SLC36A4: variants seen among roughly 807,000 people sequenced by gnomAD.
The protein encoded by SLC36A4 is solute carrier family 36 member 4.
A neutral mutation model predicts 50.5 loss-of-function variants in SLC36A4; 49 were observed. The ratio of observed to expected loss-of-function variants is 0.97; its 90% CI spans 0.77 to 1.23. The LOEUF (loss-of-function observed/expected upper bound fraction) is 1.23. Among genes scored for constraint, SLC36A4 ranks in the 50% most tolerant of loss-of-function variants. The pLI is 0.00. For synonymous variants in SLC36A4, 207 were observed against 206.5 expected (o/e 1.00, Z -0.02); for missense variants, 611 against 608.4 (o/e 1.00, Z -0.05).
rs954257076 is a variant in SLC36A4, at chr11:93,197,961, G to T, written c.-129C>A. ...GCCTGGTGCCCGCCTCCCTGCCCCG[G>T]CGCTCCCCAACCGCGCGGCGAGGAG... is the stretch of plus-strand genomic sequence containing the variant. On this transcript the variant is annotated 5_prime_UTR_variant, in exon 1 of 11. Coordinates refer to ENST00000326402, the MANE Select transcript of SLC36A4 (RefSeq NM_152313.4). The T allele has an allele frequency of 1.0e-6, 1 of 994,924 alleles. No individual in the cohort carries two copies. The highest frequency in any genetic ancestry group is 1.7e-5 in the African/African-American group (1 of 57,858). The allele number at this position is 994,924 out of a possible 1,614,324, so 61.6% of individuals were successfully genotyped here. A position where few individuals can be genotyped will look rare whatever the true frequency, so the allele number is the denominator to read the frequency against.
At chr11:93,196,570 G>C (rs1862437176) in intron 1 of SLC36A4, among the ~76,000 whole-genome samples, 1 of 152,156 alleles carries the variant, frequency 6.6e-6, no homozygotes. Flanking sequence ...GTTTCACCGT[G>C]TTAGCCAGGA....
intron 10 of SLC36A4, among the ~76,000 whole-genome samples, chr11:93,149,621 T>C (rs115495021): frequency 1.9e-3 from 294 of 151,990 alleles, no homozygotes; most frequent in African/African-American, 6.7e-3. Flanking sequence ...AAAATTCAAA[T>C]TGAAAGAAAT....
intron 1 of SLC36A4, among the ~76,000 whole-genome samples, chr11:93,186,466 G>A (rs1861985968): frequency 6.6e-6 from 1 of 152,010 alleles, no homozygotes; most frequent in Admixed American, 6.6e-5. Context: ...AGTTGTTCTA[G>A]TGGTTTCTTT....
At chr11:93,172,418 C>T (rs532980451) in intron 6 of SLC36A4, among the ~76,000 whole-genome samples, 4 of 151,590 alleles carry the variant, frequency 2.6e-5, no homozygotes, top group African/African-American at 9.7e-5. Context: ...CTCTTCCCCC[C>T]AAGTCCCCAA....
chr11:93,190,023 G>A (rs1214982542), intron 1 of SLC36A4, among the ~76,000 whole-genome samples: 1 of 152,132 alleles, frequency 6.6e-6, no homozygotes, highest in East Asian at 1.9e-4. Context: ...CCGTCACTCT[G>A]AACAAACTCA....
At position 93,147,678 on chromosome 11, in the gene SLC36A4, C is replaced by A. The variant is rs1487133185; in HGVS notation, c.*859G>T. 6.6e-6 allele frequency: 1 copy of A among 152,068 alleles called. No homozygotes were observed. The highest frequency in any genetic ancestry group is 1.5e-5 in the Non-Finnish European group (1 of 68,002). 9.4% of individuals were successfully genotyped at this position (152,068 alleles called of 1,614,324 possible). A position where few individuals can be genotyped will look rare whatever the true frequency, so the allele number is the denominator to read the frequency against. On this transcript the variant is annotated 3_prime_UTR_variant, in exon 11 of 11. Transcript: ENST00000326402. Reference sequence around the variant, plus strand: ...AAAATATAATCAAATAGATTCAACACTAAAATTAAGCTGAACATAATTTAT... The same window carrying A: ...AAAATATAATCAAATAGATTCAACAATAAAATTAAGCTGAACATAATTTAT...
intron 8 of SLC36A4, among the ~76,000 whole-genome samples, chr11:93,163,400 A>G (rs1379887219): frequency 4.6e-5 from 7 of 152,052 alleles, no homozygotes; most frequent in Non-Finnish European, 7.4e-5. Flanking sequence ...TCGTTTCTCA[A>G]TCCTTGCTTG....
At chr11:93,184,593 C>T in intron 2 of SLC36A4, 73 bp from the exon 3 acceptor site, 1 of 887,832 alleles carries the variant, frequency 1.1e-6, no homozygotes, top group South Asian at 1.5e-5. Flanking sequence ...GGTTTTAGTA[C>T]TAGAAGGGAA....
At chr11:93,160,218 A>G in intron 9 of SLC36A4, 1 of 985,440 alleles carries the variant, frequency 1.0e-6, no homozygotes, top group South Asian at 4.7e-5. Flanking sequence ...GAGTCCACAC[A>G]GAAACAGACT....
chr11:93,181,706 T>TG lies in SLC36A4; in HGVS notation c.439dup (p.Gln147ProfsTer10), dbSNP rs766550676. The TG allele has an allele frequency of 5.3e-5, 82 of 1,536,582 alleles. No homozygotes were observed. Among genetic ancestry groups the TG allele is most frequent in the Middle Eastern group, 5.0e-4 (3 of 5,954 alleles). Reference sequence around the variant, plus strand: ...AAGTACTTACCGCCCCCATGCTGCTTGCTTCTGAAGACAACTCCAAGGACT... The same window carrying TG: ...AAGTACTTACCGCCCCCATGCTGCTTGGCTTCTGAAGACAACTCCAAGGACT... On this transcript the variant is annotated frameshift_variant, in exon 5 of 11. Transcript: ENST00000326402. LOFTEE classifies it high-confidence loss of function.
At chr11:93,189,496 T>C (rs1862125137) in intron 1 of SLC36A4, among the ~76,000 whole-genome samples, 1 of 152,246 alleles carries the variant, frequency 6.6e-6, no homozygotes. Context: ...TTATTAGTTG[T>C]ATGAACTTCA....
rs539538152 is a variant in SLC36A4 at position 93,171,022 on chromosome 11, A to G, written c.541-2851T>C. 3 of 152,202 alleles carry G rather than the reference A, an allele frequency of 2.0e-5. No homozygotes were observed. In the South Asian group the frequency reaches 6.2e-4, roughly 32 times the overall value. The allele number at this position is 152,202 out of a possible 1,614,324, so 9.4% of individuals were successfully genotyped here. A position where few individuals can be genotyped will look rare whatever the true frequency, so the allele number is the denominator to read the frequency against. ...AATCAACTAGTGTGTCTACTATTGT[A>G]TAATGCTATCAAATGTAAAAGAACA... is the stretch of plus-strand genomic sequence containing the variant. On this transcript the variant is annotated intron_variant, in intron 6 of 10. Coordinates refer to ENST00000326402, the MANE Select transcript of SLC36A4 (RefSeq NM_152313.4).
At position 93,184,505 on chromosome 11, in the gene SLC36A4, AAG is replaced by A. The variant is rs1469721238; in HGVS notation, c.193_194del (p.Leu65TyrfsTer5). Reference sequence around the variant, plus strand: ...CAATATTTCCTTTAAGAAGGTGCATAAGAGTTTGTACAAATCTGAAAAGTAAA... The same window carrying A: ...CAATATTTCCTTTAAGAAGGTGCATAAGTTTGTACAAATCTGAAAAGTAAA... Reference protein sequence around the residue: ...DQEGISFVQTLMHLLKGNIGT... With the variant: ...DQEGISFVQTXMHLLKGNIGT... On this transcript the variant is annotated frameshift_variant, in exon 3 of 11. Transcript: ENST00000326402. LOFTEE classifies it high-confidence loss of function. 6.2e-7 allele frequency: 1 copy of A among 1,603,774 alleles called. No homozygotes were observed. Among genetic ancestry groups the A allele is most frequent in the Non-Finnish European group, 8.5e-7 (1 of 1,171,766 alleles).
chr11:93,192,226 G>A (rs1011856091), intron 1 of SLC36A4, among the ~76,000 whole-genome samples: 1 of 152,194 alleles, frequency 6.6e-6, no homozygotes, highest in African/African-American at 2.4e-5. Flanking sequence ...GCATTTCAAA[G>A]AAGTCCTGAC....
At chr11:93,178,497 G>C (rs1369463910) in intron 6 of SLC36A4, among the ~76,000 whole-genome samples, 3 of 152,192 alleles carry the variant, frequency 2.0e-5, no homozygotes, top group Admixed American at 6.5e-5. Flanking sequence ...CTGTAGACTG[G>C]CGCTGTTCCT....
Position 93,168,032 on chromosome 11 carries a change from C to A in SLC36A4, c.680G>T (p.Arg227Leu). ...LPFIILLVFI[R>L]ELKNLFVLSF... ...AAGTACAAATAGATTCTTTAGTTCACGAATGAAGACCAAAAGAATTATAAA... is the reference window on the plus strand; with the variant it reads ...AAGTACAAATAGATTCTTTAGTTCAAGAATGAAGACCAAAAGAATTATAAA... The change falls in exon 7 of 11, where the codon CGT becomes CTT. Residue 227 changes from arginine (R) to leucine (L), a missense_variant. Arg to Leu is a moderately radical substitution (Grantham distance 102). Coordinates refer to ENST00000326402, the MANE Select transcript of SLC36A4 (RefSeq NM_152313.4). 6.2e-7 allele frequency: 1 copy of A among 1,611,964 alleles called. No individual in the cohort carries two copies.
intron 1 of SLC36A4, among the ~76,000 whole-genome samples, chr11:93,193,469 C>A (rs1862297885): frequency 6.6e-6 from 1 of 151,922 alleles, no homozygotes; most frequent in African/African-American, 2.4e-5. Context: ...ATTAATGATG[C>A]CTTATAAACT....
In SLC36A4 at chr11:93,197,934, G is replaced by T. The variant is rs1004415306; in HGVS notation, c.-102C>A. The T allele has an allele frequency of 1.0e-5, 12 of 1,191,888 alleles. No individual in the cohort carries two copies. In the African/African-American group the frequency reaches 1.6e-4, roughly 16 times the overall value. 73.8% of individuals were successfully genotyped at this position (1,191,888 alleles called of 1,614,324 possible). ...CTACCTCCCCTGCCCGGAGGGACCC[G>T]CGCCTGGTGCCCGCCTCCCTGCCCC... On this transcript the variant is annotated 5_prime_UTR_variant, in exon 1 of 11. Coordinates refer to ENST00000326402, the MANE Select transcript of SLC36A4 (RefSeq NM_152313.4).
At chr11:93,192,389 G>A (rs1862251154) in intron 1 of SLC36A4, among the ~76,000 whole-genome samples, 1 of 152,114 alleles carries the variant, frequency 6.6e-6, no homozygotes, top group Non-Finnish European at 1.5e-5. Context: ...CGGGGGAGGA[G>A]TAGGGGATGA....
Sources: allele counts gnomAD v4.1 joint callset (sites outside exome capture counted in the v4.1 genomes callset), GRCh38; gene constraint gnomAD v4.1.1; transcripts MANE v1.5; gene names NCBI Gene and HGNC (gene_info 2026-07-23, HGNC 2026-07-21).